CASP9: variants seen among roughly 807,000 people sequenced by gnomAD.
CASP9 encodes caspase 9.
In CASP9, 29 loss-of-function variants were observed where a neutral mutation model predicts 43.5. The ratio of observed to expected loss-of-function variants is 0.67; its 90% CI spans 0.50 to 0.91. CASP9 has a LOEUF of 0.91. CASP9 is among the 40% of genes least tolerant of loss of function. CASP9 has a pLI of 0.00. For synonymous variants in CASP9, 206 were observed against 211.9 expected (o/e 0.97, Z 0.24); for missense variants, 575 against 537.4 (o/e 1.07, Z -0.69).
At chr1:15,513,179 G>T (rs1191581483) in intron 2 of CASP9, among the ~76,000 whole-genome samples, 5 of 147,234 alleles carry the variant, frequency 3.4e-5, no homozygotes, top group African/African-American at 1.0e-4. Flanking sequence ...AAAAAAAAAC[G>T]AACGGCTCAT....
At chr1:15,499,968 G>A (rs1219146115) in intron 6 of CASP9, among the ~76,000 whole-genome samples, 1 of 152,130 alleles carries the variant, frequency 6.6e-6, no homozygotes, top group African/African-American at 2.4e-5. Context: ...CAGGACTTGT[G>A]CCCCACATGG....
intron 6 of CASP9, among the ~76,000 whole-genome samples, chr1:15,497,628 C>T (rs1033171191): frequency 6.3e-5 from 9 of 142,706 alleles, no homozygotes; most frequent in Non-Finnish European, 1.0e-4. Context: ...GACAACAGAG[C>T]GAGACTCTGT....
At chr1:15,496,970 G>T (rs549336782) in intron 6 of CASP9, among the ~76,000 whole-genome samples, 1 of 151,990 alleles carries the variant, frequency 6.6e-6, no homozygotes, top group Non-Finnish European at 1.5e-5. Context: ...TGCAGTGATC[G>T]CGCCACTGCA....
chr1:15,495,078 G>A (rs1709054395), intron 7 of CASP9, among the ~76,000 whole-genome samples, 195 bp downstream of exon 7: 1 of 151,864 alleles, frequency 6.6e-6, no homozygotes, highest in Non-Finnish European at 1.5e-5. Context: ...AAGGGCGCAG[G>A]CCTCCTTGCA....
chr1:15,507,234 A>T, intron 3 of CASP9, 159 bp from the exon 4 acceptor site: 1 of 695,280 alleles, frequency 1.4e-6, no homozygotes, highest in Non-Finnish European at 2.4e-6. Context: ...TGCAGGGAAG[A>T]CTAGCACTAG....
rs137972744 is a variant in CASP9 at position 15,495,331 on chromosome 1, G to A, written c.990C>T (p.Asp330=). 8.8e-5 allele frequency: 141 copies of A among 1,610,890 alleles called. No individual in the cohort carries two copies. The African/African-American group carries it at 9.1e-4, about 10-fold the overall frequency. Residue 330 remains aspartate, a synonymous_variant, in exon 7 of 9, where the codon GAC becomes GAT. Transcript: ENST00000333868. ...QEGLRTFDQL[D]AISSLPTPSD... ...TGGGTGTGGGCAAACTAGATATGGC[G>A]TCCAGCTGGTCGAAGGTCCTCAAAC...
At chr1:15,506,190 T>C (rs961627667) in intron 4 of CASP9, 111 bp from the exon 5 acceptor site, 3 of 724,250 alleles carry the variant, frequency 4.1e-6, no homozygotes, top group Admixed American at 2.2e-5. Context: ...GGTTCACGCC[T>C]GTAATCCCAG....
At chr1:15,517,700 T>C (rs1710004338) in intron 2 of CASP9, among the ~76,000 whole-genome samples, 1 of 152,114 alleles carries the variant, frequency 6.6e-6, no homozygotes, top group Non-Finnish European at 1.5e-5. Context: ...GTAAATACTT[T>C]GCAGATGTCT....
chr1:15,497,248 T>C (rs1348460122), intron 6 of CASP9, among the ~76,000 whole-genome samples: 1 of 140,488 alleles, frequency 7.1e-6, no homozygotes, highest in African/African-American at 2.7e-5. Context: ...GAGGCGGAGG[T>C]TGCAGTGAGT....
chr1:15,507,982 A>G, intron 2 of CASP9, 75 bp from the exon 3 acceptor site: 1 of 1,485,978 alleles, frequency 6.7e-7, no homozygotes, highest in Non-Finnish European at 9.4e-7. Context: ...CTGTGAGGAC[A>G]GCCCCCCAAG....
intron 6 of CASP9, among the ~76,000 whole-genome samples, chr1:15,502,913 G>A (rs558800532): frequency 2.0e-5 from 3 of 152,286 alleles, no homozygotes; most frequent in Non-Finnish European, 2.9e-5. Context: ...CTACAGCCCC[G>A]AGAGTGGCAG....
chr1:15,507,402 C>G (rs1246093137), intron 3 of CASP9, among the ~76,000 whole-genome samples: 1 of 152,168 alleles, frequency 6.6e-6, no homozygotes, highest in African/African-American at 2.4e-5. Flanking sequence ...CCTGGAGGCA[C>G]CCAAGGCTGC....
intron 2 of CASP9, among the ~76,000 whole-genome samples, chr1:15,516,663 T>A (rs777032170): frequency 6.6e-6 from 1 of 152,306 alleles, no homozygotes; most frequent in African/African-American, 2.4e-5. Flanking sequence ...TTTTGAAGTA[T>A]AAGTTGGTAG....
chr1:15,510,234 T>G (rs1709705701), intron 2 of CASP9, among the ~76,000 whole-genome samples: 1 of 152,106 alleles, frequency 6.6e-6, no homozygotes, highest in Non-Finnish European at 1.5e-5. Flanking sequence ...CCGGCCTACA[T>G]TTTTTCTTTT....
At chr1:15,511,799 T>C (rs1005850184) in intron 2 of CASP9, among the ~76,000 whole-genome samples, 1 of 152,032 alleles carries the variant, frequency 6.6e-6, no homozygotes, top group African/African-American at 2.4e-5. Flanking sequence ...GGTCACAGGG[T>C]GGTCAAAGCA....
chr1:15,509,085 C>G (rs1709635845), intron 2 of CASP9, among the ~76,000 whole-genome samples: 1 of 152,200 alleles, frequency 6.6e-6, no homozygotes, highest in Non-Finnish European at 1.5e-5. Context: ...GACACCATCT[C>G]CTCAGGCTCA....
At position 15,491,619 on chromosome 1, in the gene CASP9, G is replaced by C; in HGVS notation, c.*1324C>G. 1 of 333,048 alleles carries C rather than the reference G, an allele frequency of 3.0e-6. No individual in the cohort carries two copies. The allele number at this position is 333,048 out of a possible 1,614,324, so 20.6% of individuals were successfully genotyped here. ...CTAAAAATACAAAAATTAACTGGGAGAGGTGGTGCACACCTGTAGTCCAAG... is the reference window on the plus strand; with the variant it reads ...CTAAAAATACAAAAATTAACTGGGACAGGTGGTGCACACCTGTAGTCCAAG... On this transcript the variant is annotated 3_prime_UTR_variant, in exon 9 of 9. Transcript: ENST00000333868.
chr1:15,498,181 TCAAGTGATCCCC>T (rs1709186327), intron 6 of CASP9, among the ~76,000 whole-genome samples: 1 of 152,110 alleles, frequency 6.6e-6, no homozygotes, highest in African/African-American at 2.4e-5. Context: ...CCTGCCAGGC[TCAAGTGATCCCC>T]CACCTCAGCC....
intron 2 of CASP9, among the ~76,000 whole-genome samples, chr1:15,508,793 G>T (rs10754895): frequency 0.64 from 97,971 of 152,118 alleles, 33,061 homozygotes; most frequent in African/African-American, 0.85. Flanking sequence ...GAAGCTCACA[G>T]GAGTGAATGC....
Sources: allele counts gnomAD v4.1 joint callset (sites outside exome capture counted in the v4.1 genomes callset), GRCh38; gene constraint gnomAD v4.1.1; transcripts MANE v1.5; gene names NCBI Gene and HGNC (gene_info 2026-07-23, HGNC 2026-07-21).